The following PARN variants were observed in gnomAD, a reference collection of about 807,000 sequenced individuals.
PARN encodes poly(A)-specific ribonuclease, also known as poly(A)-specific ribonuclease PARN.
Under a neutral mutation model 102.8 loss-of-function variants are expected in PARN, and 71 were observed. The observed-to-expected ratio is 0.69, with a 90% CI of 0.57 to 0.84. PARN has a LOEUF of 0.84. Among genes scored for constraint, PARN ranks in the 40% least tolerant of loss-of-function variants. The pLI, the probability that PARN is intolerant of heterozygous loss-of-function variation, is 0.00. For missense variants in PARN, 782 were observed against 760.9 expected (o/e 1.03, Z -0.33); for synonymous variants, 261 against 252.9 (o/e 1.03, Z -0.30).
chr16:14,629,844 G>A (rs1292299900), intron 1 of PARN, among the ~76,000 whole-genome samples, 170 bp from the exon 2 acceptor site: 1 of 152,232 alleles, frequency 6.6e-6, no homozygotes, highest in African/African-American at 2.4e-5. Flanking sequence ...TGGGTCAGGG[G>A]GGACAAGCCC....
At chr16:14,594,182 T>C (rs1467809657) in intron 12 of PARN, among the ~76,000 whole-genome samples, 1 of 152,110 alleles carries the variant, frequency 6.6e-6, no homozygotes, top group Non-Finnish European at 1.5e-5. Flanking sequence ...AGAATTGCAT[T>C]TCCTATATCA....
intron 22 of PARN, among the ~76,000 whole-genome samples, chr16:14,480,849 G>A (rs1001942274): frequency 1.3e-5 from 2 of 152,082 alleles, no homozygotes; most frequent in Non-Finnish European, 2.9e-5. Flanking sequence ...GCGGAGGCCC[G>A]TGAATCACTT....
Position 14,461,063 on chromosome 16 carries a change from C to T in PARN, c.1671-13982G>A, listed in dbSNP as rs908535041. 1.3e-5 allele frequency among the ~76,000 whole-genome samples: 2 copies of T among 152,320 alleles called. 1 individual carries two copies. Among genetic ancestry groups the T allele is most frequent in the South Asian group, 4.1e-4 (2 of 4,824 alleles). ...TGGCACTTCATCACGGGTCTTCCATCCAAAACCCATAACCTTAGTCTAACC... is the reference window on the plus strand; with the variant it reads ...TGGCACTTCATCACGGGTCTTCCATTCAAAACCCATAACCTTAGTCTAACC... On this transcript the variant is annotated intron_variant, in intron 22 of 23. Coordinates refer to ENST00000437198, the MANE Select transcript of PARN (RefSeq NM_002582.4).
chr16:14,618,242 C>T (rs1185007148), intron 5 of PARN, among the ~76,000 whole-genome samples: 1 of 152,048 alleles, frequency 6.6e-6, no homozygotes, highest in Admixed American at 6.6e-5. Context: ...AATCCCAGCA[C>T]TTTGGGAGGC....
chr16:14,450,105 A>G (rs991891380), intron 22 of PARN, among the ~76,000 whole-genome samples: 1 of 152,248 alleles, frequency 6.6e-6, no homozygotes, highest in African/African-American at 2.4e-5. Flanking sequence ...AGTACATACA[A>G]TCAATGAACT....
At chr16:14,517,710 C>T (rs1965526302) in intron 21 of PARN, among the ~76,000 whole-genome samples, 1 of 152,062 alleles carries the variant, frequency 6.6e-6, no homozygotes, top group African/African-American at 2.4e-5. Flanking sequence ...CAGAGTTTTG[C>T]TCTTGTTGCC....
intron 21 of PARN, among the ~76,000 whole-genome samples, chr16:14,533,642 C>T (rs1567356700): frequency 6.6e-6 from 1 of 152,200 alleles, no homozygotes; most frequent in Non-Finnish European, 1.5e-5. Context: ...ACAGGTTTCT[C>T]AGCCTTCCTC....
chr16:14,489,155 G>C (rs1963910804), intron 21 of PARN, among the ~76,000 whole-genome samples: 1 of 152,164 alleles, frequency 6.6e-6, no homozygotes, highest in Non-Finnish European at 1.5e-5. Context: ...AAGATGATCA[G>C]CACAAACTTC....
intron 18 of PARN, among the ~76,000 whole-genome samples, chr16:14,561,570 G>A (rs570564111): frequency 1.8e-4 from 27 of 152,192 alleles, no homozygotes; most frequent in African/African-American, 6.3e-4. Flanking sequence ...CCACTGCTTC[G>A]GGAGGCAGAA....
At chr16:14,580,696 T>G (rs997886823) in intron 18 of PARN, among the ~76,000 whole-genome samples, 178 bp downstream of exon 18, 2 of 152,036 alleles carry the variant, frequency 1.3e-5, no homozygotes, top group African/African-American at 4.8e-5. Flanking sequence ...ATATTTTTAA[T>G]ACATTTGTTC....
chr16:14,569,628 A>G (rs1968665297), intron 18 of PARN, among the ~76,000 whole-genome samples: 1 of 152,238 alleles, frequency 6.6e-6, no homozygotes, highest in Non-Finnish European at 1.5e-5. Flanking sequence ...TAATACAATT[A>G]CAAAAGAAAA....
chr16:14,512,321 C>T (rs1965232196), intron 21 of PARN, among the ~76,000 whole-genome samples: 2 of 151,996 alleles, frequency 1.3e-5, no homozygotes. Flanking sequence ...AGTGAACATG[C>T]TGAAACCCTG....
At chr16:14,510,988 C>A (rs753507223) in intron 21 of PARN, among the ~76,000 whole-genome samples, 1 of 152,200 alleles carries the variant, frequency 6.6e-6, no homozygotes, top group African/African-American at 2.4e-5. Context: ...GTTCTGAATG[C>A]CACCCAACTA....
chr16:14,471,008 G>C (rs1286012550), intron 22 of PARN, among the ~76,000 whole-genome samples: 3 of 152,012 alleles, frequency 2.0e-5, no homozygotes, highest in Admixed American at 6.6e-5. Context: ...TGGTCTTTAA[G>C]CTGTCCTTAA....
chr16:14,505,480 AACAC>A (rs372607658), intron 21 of PARN, among the ~76,000 whole-genome samples: 24 of 149,306 alleles, frequency 1.6e-4, no homozygotes, highest in East Asian at 3.9e-4. Flanking sequence ...CGTCTCTTAA[AACAC>A]ACACACACAC....
chr16:14,576,437 A>C (rs1969144797), intron 18 of PARN, among the ~76,000 whole-genome samples: 1 of 152,236 alleles, frequency 6.6e-6, no homozygotes, highest in African/African-American at 2.4e-5. Context: ...CCTTCCCGAA[A>C]ACCTTCATAA....
chr16:14,532,264 G>A (rs1036867815), intron 21 of PARN, among the ~76,000 whole-genome samples: 1 of 150,416 alleles, frequency 6.6e-6, no homozygotes, highest in Non-Finnish European at 1.5e-5. Flanking sequence ...GTGAAGGGAA[G>A]GTCAGCAGAT....
At chr16:14,626,998 T>A (rs553482396) in intron 5 of PARN, 108 bp downstream of exon 5, 1 of 680,328 alleles carries the variant, frequency 1.5e-6, no homozygotes, top group South Asian at 1.7e-5. Flanking sequence ...AAAGGTGAAA[T>A]GATTTGCCCC....
chr16:14,465,612 A>C (rs1282688512), intron 22 of PARN, among the ~76,000 whole-genome samples: 2 of 152,198 alleles, frequency 1.3e-5, no homozygotes, highest in Non-Finnish European at 2.9e-5. Context: ...TCCTAATTCA[A>C]TCCCAACCAA....
Sources: gnomAD v4.1 joint callset for allele counts (sites outside exome capture counted in the v4.1 genomes callset) on GRCh38, gnomAD v4.1.1 for gene constraint, MANE v1.5 for transcripts, NCBI Gene and HGNC (gene_info 2026-07-23, HGNC 2026-07-21) for gene names.